The following TLN2 variants were observed in gnomAD, a reference collection of about 807,000 sequenced individuals.
TLN2 encodes the protein talin-2.
In TLN2, 118 loss-of-function variants were observed where a neutral mutation model predicts 294.7. That is an observed-to-expected ratio of 0.40 (90% CI 0.34 to 0.47). TLN2 has a LOEUF of 0.47. TLN2 is among the 20% of genes least tolerant of loss of function. TLN2 has a pLI of 0.84. For synonymous variants in TLN2, 1,431 were observed against 1,304.5 expected, an observed-to-expected ratio of 1.10 and a Z score of -2.09; for missense variants, 3,083 against 3,282.2, an observed-to-expected ratio of 0.94 and a Z score of 1.48.
intron 36 of TLN2, 196 bp from the exon 37 acceptor site, chr15:62,755,332 ATTCT>A (rs1196437870): frequency 1.2e-5 from 7 of 603,378 alleles, no homozygotes; most frequent in Non-Finnish European, 5.4e-6. Context: ...CTTTTTTCTT[ATTCT>A]TTCTTTATTA....
chr15:62,402,119 C>T (rs545378321), intron 1 of TLN2, among the ~76,000 whole-genome samples: 1 of 152,300 alleles, frequency 6.6e-6, no homozygotes, highest in East Asian at 1.9e-4. Flanking sequence ...TGACCCAATA[C>T]AAACACACAG....
chr15:62,719,947 G>A, intron 25 of TLN2, 67 bp downstream of exon 25: 2 of 1,242,170 alleles, frequency 1.6e-6, no homozygotes, highest in Non-Finnish European at 2.2e-6. Flanking sequence ...GCCCTTTAAG[G>A]AGAGGAGTTA....
rs1555435710 is a variant in TLN2 at position 62,582,246 on chromosome 15, A to ACCCCCC, written c.-237-7440_-237-7439insCCCCCC. Among the ~76,000 whole-genome samples, 7 of 137,310 alleles carry ACCCCCC rather than the reference A, an allele frequency of 5.1e-5. No homozygotes were observed. In the East Asian group the frequency reaches 9.2e-4, roughly 18 times the overall value. The allele number at this position is 137,310 out of a possible 152,430, so 90.1% of individuals were successfully genotyped here. A position where few individuals can be genotyped will look rare whatever the true frequency, so the allele number is the denominator to read the frequency against. ...CACACACACACACACACACACACACACATTCATGCCTGACCCATTCCTGAC... is the reference window on the plus strand; with the variant it reads ...CACACACACACACACACACACACACACCCCCCCATTCATGCCTGACCCATTCCTGAC... On this transcript the variant is annotated intron_variant, in intron 1 of 58. Coordinates refer to ENST00000636159, the MANE Select transcript of TLN2 (RefSeq NM_015059.3).
intron 15 of TLN2, among the ~76,000 whole-genome samples, chr15:62,698,535 C>A (rs1228784882): frequency 2.0e-5 from 3 of 152,214 alleles, no homozygotes; most frequent in Non-Finnish European, 4.4e-5. Flanking sequence ...TGATTATAAT[C>A]CCTCCGTGGC....
At chr15:62,394,767 C>G (rs2032391939) in intron 1 of TLN2, among the ~76,000 whole-genome samples, 1 of 152,158 alleles carries the variant, frequency 6.6e-6, no homozygotes, top group Non-Finnish European at 1.5e-5. Context: ...GTTGACCACC[C>G]TGACAATCTT....
chr15:62,562,991 T>C (rs1174510924), intron 1 of TLN2, among the ~76,000 whole-genome samples: 2 of 145,858 alleles, frequency 1.4e-5, no homozygotes, highest in Non-Finnish European at 3.0e-5. Context: ...TATCCCCTCG[T>C]TGATTGATGG....
At chr15:62,542,853 G>C (rs921783447) in intron 1 of TLN2, among the ~76,000 whole-genome samples, 3 of 151,986 alleles carry the variant, frequency 2.0e-5, no homozygotes, top group African/African-American at 7.2e-5. Flanking sequence ...ATCAACCATA[G>C]AAGAGCCAGC....
At chr15:62,765,108 C>T (rs2062916472) in intron 40 of TLN2, among the ~76,000 whole-genome samples, 1 of 151,650 alleles carries the variant, frequency 6.6e-6, no homozygotes, top group African/African-American at 2.4e-5. Flanking sequence ...AGAACCCTTC[C>T]CCTTTAATTG....
intron 1 of TLN2, among the ~76,000 whole-genome samples, chr15:62,493,450 C>G (rs944759282): frequency 6.6e-6 from 1 of 152,036 alleles, no homozygotes; most frequent in Admixed American, 6.5e-5. Flanking sequence ...GCCCTGTCCT[C>G]CCCTTGCTGT....
intron 1 of TLN2, among the ~76,000 whole-genome samples, chr15:62,578,778 G>A (rs908315758): frequency 6.6e-6 from 1 of 152,170 alleles, no homozygotes; most frequent in Admixed American, 6.5e-5. Flanking sequence ...CGTGAGGGAG[G>A]CCCTGGCATC....
At chr15:62,594,369 A>G (rs2046314436) in intron 2 of TLN2, among the ~76,000 whole-genome samples, 1 of 152,092 alleles carries the variant, frequency 6.6e-6, no homozygotes. Flanking sequence ...CACCACGCCC[A>G]GCTAATTTTT....
At position 62,436,655 on chromosome 15, in the gene TLN2, G is replaced by A. The variant is rs572669262; in HGVS notation, c.-238+45970G>A. Among the ~76,000 whole-genome samples, 3 of 152,310 alleles carry A rather than the reference G, an allele frequency of 2.0e-5. No individual in the cohort carries two copies. The East Asian group carries it at 5.8e-4, about 29-fold the overall frequency. On this transcript the variant is annotated intron_variant, in intron 1 of 58. Transcript: ENST00000636159. ...GGTCTCAAGGGACTTGGAGGAATCAGGTTGTTTGAATTGTTGAAGAGTTGT... is the reference window on the plus strand; with the variant it reads ...GGTCTCAAGGGACTTGGAGGAATCAAGTTGTTTGAATTGTTGAAGAGTTGT...
intron 54 of TLN2, chr15:62,830,359 A>T (rs1272936845): frequency 6.6e-6 from 1 of 152,610 alleles, no homozygotes; most frequent in Admixed American, 6.5e-5. Context: ...ACTGTGCACC[A>T]TGTTGTTCTT....
rs2045959362 is a variant in TLN2 at position 62,590,028 on chromosome 15, T to TTTGTTG, written c.-162+267_-162+268insTGTTGT. ...TTTTGTTTTTGTTTTTGTTTTTGTT[T>TTTGTTG]TAATCATATTGGACCTTATAGTGTG... is the stretch of plus-strand genomic sequence containing the variant. On this transcript the variant is annotated intron_variant, in intron 2 of 58. Transcript: ENST00000636159. 3.3e-5 allele frequency among the ~76,000 whole-genome samples: 5 copies of TTTGTTG among 152,246 alleles called. No individual in the cohort carries two copies. In the South Asian group the frequency reaches 1.0e-3, roughly 32 times the overall value.
chr15:62,395,024 G>C (rs1375154683), intron 1 of TLN2, among the ~76,000 whole-genome samples: 1 of 152,052 alleles, frequency 6.6e-6, no homozygotes, highest in Non-Finnish European at 1.5e-5. Flanking sequence ...ATGAACATTT[G>C]TATTTTCTTT....
intron 58 of TLN2, among the ~76,000 whole-genome samples, chr15:62,840,202 G>C (rs757481213): frequency 6.6e-6 from 1 of 152,224 alleles, no homozygotes; most frequent in African/African-American, 2.4e-5. Flanking sequence ...GACTGTCTAC[G>C]TGGAGTGTTT....
At chr15:62,711,226 ACTC>A (rs1303718589) in intron 21 of TLN2, among the ~76,000 whole-genome samples, 9 of 152,034 alleles carry the variant, frequency 5.9e-5, no homozygotes, top group South Asian at 2.1e-4. Context: ...TGGTTGTTAT[ACTC>A]CTCCTACTTC....
chr15:62,441,540 G>A (rs1426500586), intron 1 of TLN2, among the ~76,000 whole-genome samples: 2 of 152,220 alleles, frequency 1.3e-5, no homozygotes, highest in Admixed American at 6.5e-5. Flanking sequence ...TCCATTGTCT[G>A]TTGGGGCGGG....
chr15:62,523,034 T>C (rs909295063), intron 1 of TLN2, among the ~76,000 whole-genome samples: 11 of 151,914 alleles, frequency 7.2e-5, no homozygotes, highest in African/African-American at 2.7e-4. Context: ...ATTCTATGGA[T>C]CCTAGGGCTG....
Sources: allele counts gnomAD v4.1 joint callset (sites outside exome capture counted in the v4.1 genomes callset), GRCh38; gene constraint gnomAD v4.1.1; transcripts MANE v1.5; gene names NCBI Gene and HGNC (gene_info 2026-07-23, HGNC 2026-07-21).